The following RIMBP2 variants were observed in gnomAD, a reference collection of about 807,000 sequenced individuals.
RIMBP2 encodes the protein RIMS binding protein 2.
In RIMBP2, 48 loss-of-function variants were observed where a neutral mutation model predicts 118.6. The observed-to-expected ratio is 0.40, with a 90% CI of 0.32 to 0.51. The LOEUF (loss-of-function observed/expected upper bound fraction) is 0.51. Ranked by LOEUF, RIMBP2 falls within the 20% of genes least tolerant of loss-of-function variation. The pLI is 0.41. For missense variants in RIMBP2, 1,551 were observed against 1,768.3 expected, an observed-to-expected ratio of 0.88 and a Z score of 2.20; for synonymous variants, 762 against 742.9, an observed-to-expected ratio of 1.03 and a Z score of -0.42.
At chr12:130,627,135 C>T (rs1387613952) in intron 2 of RIMBP2, among the ~76,000 whole-genome samples, 1 of 152,218 alleles carries the variant, frequency 6.6e-6, no homozygotes, top group Non-Finnish European at 1.5e-5. Flanking sequence ...ACATCTCCTC[C>T]ATCACCAGGA....
intron 2 of RIMBP2, among the ~76,000 whole-genome samples, chr12:130,561,051 G>A (rs932037199): frequency 3.9e-5 from 6 of 152,192 alleles, no homozygotes; most frequent in Admixed American, 2.0e-4. Flanking sequence ...AGAACGCCAT[G>A]GGAAGATAAA....
chr12:130,676,963 G>T (rs192619789), intron 1 of RIMBP2, among the ~76,000 whole-genome samples: 3 of 152,312 alleles, frequency 2.0e-5, no homozygotes, highest in Admixed American at 1.3e-4. Flanking sequence ...GCATGCATTT[G>T]TCAGCACTCA....
chr12:130,454,478 C>T (rs981402243), intron 7 of RIMBP2, among the ~76,000 whole-genome samples: 16 of 152,152 alleles, frequency 1.1e-4, no homozygotes, highest in African/African-American at 3.6e-4. Flanking sequence ...CCGTCATAAG[C>T]GACATGCACT....
intron 6 of RIMBP2, among the ~76,000 whole-genome samples, chr12:130,463,865 G>C (rs1373514293): frequency 2.1e-5 from 3 of 145,544 alleles, no homozygotes; most frequent in African/African-American, 5.1e-5. Flanking sequence ...ACAGGGCGCA[G>C]TAAAGGAGCC....
chr12:130,456,790 CAT>C, intron 6 of RIMBP2, 90 bp from the exon 7 acceptor site: 1 of 1,005,670 alleles, frequency 9.9e-7, no homozygotes, highest in South Asian at 1.6e-5. Flanking sequence ...TACGTGTGCA[CAT>C]GTGCACTGTG....
chr12:130,477,516 G>A (rs957488066), intron 5 of RIMBP2, among the ~76,000 whole-genome samples: 12 of 152,262 alleles, frequency 7.9e-5, no homozygotes, highest in Non-Finnish European at 1.3e-4. Flanking sequence ...TATCCCTTGC[G>A]GATAACATCT....
At chr12:130,408,336 G>A (rs1240604031) in intron 19 of RIMBP2, among the ~76,000 whole-genome samples, 3 of 152,218 alleles carry the variant, frequency 2.0e-5, no homozygotes, top group Non-Finnish European at 2.9e-5. Flanking sequence ...GGAGAAGCAC[G>A]AACATAAACA....
chr12:130,627,100 A>G (rs746278335), intron 2 of RIMBP2, among the ~76,000 whole-genome samples: 3 of 151,820 alleles, frequency 2.0e-5, no homozygotes, highest in Non-Finnish European at 4.4e-5. Flanking sequence ...CTCCTCCATC[A>G]CTACAACTAC....
At chr12:130,552,405 T>C (rs2055888430) in intron 2 of RIMBP2, among the ~76,000 whole-genome samples, 1 of 152,256 alleles carries the variant, frequency 6.6e-6, no homozygotes. Context: ...AGTGCATTAA[T>C]ATCTTTTTCA....
At chr12:130,699,760 G>A (rs1425545150) in intron 1 of RIMBP2, among the ~76,000 whole-genome samples, 3 of 151,578 alleles carry the variant, frequency 2.0e-5, no homozygotes, top group Admixed American at 6.6e-5. Flanking sequence ...ACAAAAATTA[G>A]TCAGCCATGG....
intron 2 of RIMBP2, among the ~76,000 whole-genome samples, chr12:130,539,543 G>A (rs186569920): frequency 3.4e-5 from 5 of 145,850 alleles, no homozygotes; most frequent in African/African-American, 1.2e-4. Flanking sequence ...TTGATGAGGT[G>A]GCCAGGTGTA....
rs559189664 is a variant in RIMBP2 at position 130,714,098 on chromosome 12, T to G, written c.-352+2124A>C. On this transcript the variant is annotated intron_variant, in intron 1 of 22. Transcript: ENST00000690449. Reference sequence around the variant, plus strand: ...AACGTGTGAGAATCGCTGCTCCAATTAAAACTTCAACCAGACTCCAAAAAT... The same window carrying G: ...AACGTGTGAGAATCGCTGCTCCAATGAAAACTTCAACCAGACTCCAAAAAT... 7.2e-4 allele frequency among the ~76,000 whole-genome samples: 109 copies of G among 152,174 alleles called. 1 individual carries two copies. In the South Asian group the frequency reaches 0.022, roughly 31 times the overall value.
intron 1 of RIMBP2, among the ~76,000 whole-genome samples, chr12:130,672,075 C>G (rs1046154922): frequency 6.6e-6 from 1 of 152,210 alleles, no homozygotes; most frequent in African/African-American, 2.4e-5. Context: ...TTCCCACCTC[C>G]AGTGGAAGCT....
At chr12:130,519,248 C>A (rs1465112928) in intron 2 of RIMBP2, among the ~76,000 whole-genome samples, 1 of 152,226 alleles carries the variant, frequency 6.6e-6, no homozygotes, top group Non-Finnish European at 1.5e-5. Flanking sequence ...CAACACTTCC[C>A]ACTAGGAGAG....
chr12:130,438,107 G>T (rs1407550310), intron 12 of RIMBP2, among the ~76,000 whole-genome samples: 1 of 152,196 alleles, frequency 6.6e-6, no homozygotes, highest in African/African-American at 2.4e-5. Flanking sequence ...GACACTAGGG[G>T]TCCCCTCTCT....
At chr12:130,455,888 T>C (rs906384087) in intron 7 of RIMBP2, among the ~76,000 whole-genome samples, 2 of 151,990 alleles carry the variant, frequency 1.3e-5, no homozygotes, top group African/African-American at 2.4e-5. Context: ...AAAGGACATC[T>C]GTGATCGCTC....
chr12:130,562,414 C>A (rs2056888475), intron 2 of RIMBP2, among the ~76,000 whole-genome samples: 1 of 152,334 alleles, frequency 6.6e-6, no homozygotes, highest in Non-Finnish European at 1.5e-5. Flanking sequence ...AGGGACCCTA[C>A]CTGGCAAGTG....
rs747732428 is a variant in RIMBP2, at chr12:130,442,421, C to T, written c.931G>A (p.Glu311Lys). 9.9e-6 allele frequency: 16 copies of T among 1,614,160 alleles called. No individual in the cohort carries two copies. The highest frequency in any genetic ancestry group is 1.4e-5 in the Non-Finnish European group (16 of 1,180,024). ...TTTCTAGGGTAAGGCACGATGTCTT[C>T]TCCGATGTCGTCGATGTTCACGTCC... ...TLDVNIDDIG[E>K]DIVPYPRKIT... The change falls in exon 11 of 23, where the codon GAA (glutamate) becomes AAA (lysine). Residue 311 changes from glutamate to lysine, a missense_variant. By Grantham distance (56) the Glu-to-Lys change is moderately conservative. Transcript: ENST00000690449. This position sits in a 1 kb window ranked among gnomAD's most constrained non-coding sequence, Gnocchi z 6.9.
rs147855247 is a variant in RIMBP2 at position 130,657,511 on chromosome 12, T to G, written c.-351-29055A>C. Among the ~76,000 whole-genome samples, 485 of 152,314 alleles carry G rather than the reference T, an allele frequency of 3.2e-3. 3 individuals carry two copies. The highest frequency in any genetic ancestry group is 0.011 in the African/African-American group (468 of 41,556). On this transcript the variant is annotated intron_variant, in intron 1 of 22. Coordinates refer to ENST00000690449, the MANE Select transcript of RIMBP2 (RefSeq NM_001393629.1). ...GGTTTGGATATTCTCATAACTAAAC[T>G]GATAGAGCTTGGGGGATGGAAGACA...
Sources: gnomAD v4.1 joint callset for allele counts (sites outside exome capture counted in the v4.1 genomes callset) on GRCh38, gnomAD v4.1.1 for gene constraint, Gnocchi (gnomAD v3.1) non-coding constraint, MANE v1.5 for transcripts, NCBI Gene and HGNC (gene_info 2026-07-23, HGNC 2026-07-21) for gene names.